The following LEMD3 variants were observed in gnomAD, a reference collection of about 807,000 sequenced individuals.
The protein encoded by LEMD3 is inner nuclear membrane protein Man1.
Under a neutral mutation model 95.2 loss-of-function variants are expected in LEMD3, and 33 were observed. That is an observed-to-expected ratio of 0.35 (90% CI 0.26 to 0.46). The LOEUF is 0.46. LEMD3 is among the 20% of genes least tolerant of loss of function. The probability of loss-of-function intolerance (pLI) is 1.00; values close to 1 mark genes in which losing one functional copy is unlikely to be tolerated. For synonymous variants in LEMD3, 525 were observed against 474.6 expected, an observed-to-expected ratio of 1.11 and a Z score of -1.38; for missense variants, 1,210 against 1,192.8, an observed-to-expected ratio of 1.01 and a Z score of -0.21.
chr12:65,217,475 TA>T (rs1870145305), intron 3 of LEMD3, among the ~76,000 whole-genome samples: 2 of 152,246 alleles, frequency 1.3e-5, no homozygotes, highest in African/African-American at 4.8e-5. Flanking sequence ...TTAAAATGAT[TA>T]CTTGAACAAA....
At chr12:65,236,518 TC>T (rs1319988232) in intron 4 of LEMD3, among the ~76,000 whole-genome samples, 1 of 151,292 alleles carries the variant, frequency 6.6e-6, no homozygotes, top group Non-Finnish European at 1.5e-5. Flanking sequence ...ACCACTGCAC[TC>T]CAGCCTGGGT....
Position 65,169,983 on chromosome 12 carries a change from C to T in LEMD3, c.387C>T (p.Pro129=), listed in dbSNP as rs1290434318. The T allele has an allele frequency of 6.8e-7, 1 of 1,469,670 alleles. No individual in the cohort carries two copies. The highest frequency in any genetic ancestry group is 8.9e-7 in the Non-Finnish European group (1 of 1,121,836). The allele number at this position is 1,469,670 out of a possible 1,614,324, so 91.0% of individuals were successfully genotyped here. ...LGGPGGASAA[P]AAGSKVLLGF... ...GGCCCGGGGGCGCCTCCGCCGCCCC[C>T]GCGGCTGGCAGCAAAGTGCTGCTGG... Residue 129 remains proline, a synonymous_variant, in exon 1 of 13, where the codon CCC becomes CCT. Coordinates refer to ENST00000308330, the MANE Select transcript of LEMD3 (RefSeq NM_014319.5).
chr12:65,170,373 GGACTCA>G lies in LEMD3; in HGVS notation c.780_785del (p.Asp260_Ser261del). On this transcript the variant is annotated inframe_deletion, in exon 1 of 13. Transcript: ENST00000308330. ...CCTACAGCTGCCGGGAAAACTATTC[GGACTCA>G]GAGGAAGAGGACGACGACGACGTGG... 1 of 1,613,596 alleles carries G rather than the reference GGACTCA, an allele frequency of 6.2e-7. No individual in the cohort carries two copies.
intron 1 of LEMD3, among the ~76,000 whole-genome samples, chr12:65,206,459 A>G (rs930168756): frequency 1.2e-4 from 19 of 152,174 alleles, no homozygotes; most frequent in Admixed American, 1.3e-4. Flanking sequence ...CTTGTAACTA[A>G]CATAACACCT....
Position 65,169,642 on chromosome 12 carries a change from G to A in LEMD3, c.46G>A (p.Glu16Lys), listed in dbSNP as rs746513740. ...GGCGCCTCAGCAGCTCTCGGATGAG[G>A]AGCTTTTCTCTCAGCTCCGCCGTTA... ...ASAPQQLSDE[E>K]LFSQLRRYGL... Residue 16 changes from glutamate to lysine, a missense_variant, in exon 1 of 13, where the codon GAG becomes AAG. This residue lies in a region of LEMD3 where 749 missense variants were observed against 622.9 expected (regional missense o/e 1.20). Coordinates refer to ENST00000308330, the MANE Select transcript of LEMD3 (RefSeq NM_014319.5). 6.3e-7 allele frequency: 1 copy of A among 1,588,888 alleles called. No individual in the cohort carries two copies. Among genetic ancestry groups the A allele is most frequent in the Non-Finnish European group, 8.6e-7 (1 of 1,169,352 alleles).
At chr12:65,176,123 G>A (rs1318346620) in intron 1 of LEMD3, among the ~76,000 whole-genome samples, 2 of 152,174 alleles carry the variant, frequency 1.3e-5, no homozygotes, top group African/African-American at 4.8e-5. Flanking sequence ...CTAGGCTGTA[G>A]CTCTTCCAGT....
chr12:65,246,015 A>G (rs1172146173), intron 12 of LEMD3, 76 bp downstream of exon 12: 2 of 1,346,150 alleles, frequency 1.5e-6, no homozygotes, highest in South Asian at 1.2e-5. Flanking sequence ...GATTTCAAAT[A>G]AAAGAATTTA....
intron 1 of LEMD3, among the ~76,000 whole-genome samples, chr12:65,209,971 T>C (rs113086667): frequency 6.6e-6 from 1 of 152,082 alleles, no homozygotes; most frequent in Non-Finnish European, 1.5e-5. Context: ...ATATAGTCTA[T>C]ATAAAATATA....
In LEMD3 at chr12:65,169,703, G is replaced by C; in HGVS notation, c.107G>C (p.Arg36Pro). 2 of 1,584,508 alleles carry C rather than the reference G, an allele frequency of 1.3e-6. No homozygotes were observed. Among genetic ancestry groups the C allele is most frequent in the Non-Finnish European group, 1.7e-6 (2 of 1,165,776 alleles). The change falls in exon 1 of 13, where the codon CGC (arginine) becomes CCC (proline). Residue 36 changes from arginine (R) to proline (P), a missense_variant. Arg to Pro is a moderately radical substitution (Grantham distance 103, BLOSUM62 -2). Coordinates refer to ENST00000308330, the MANE Select transcript of LEMD3 (RefSeq NM_014319.5). ...CCCGGACCAGTGACGGAGAGCACCC[G>C]CCCGGTCTACCTCAAGAAGCTGAAG... ...LSPGPVTEST[R>P]PVYLKKLKKL...
intron 1 of LEMD3, among the ~76,000 whole-genome samples, chr12:65,202,602 T>C (rs564089060): frequency 6.6e-6 from 1 of 152,314 alleles, no homozygotes; most frequent in African/African-American, 2.4e-5. Context: ...TGAACTCATA[T>C]CTACTTCTCT....
chr12:65,226,190 G>A (rs538231769), intron 4 of LEMD3, among the ~76,000 whole-genome samples: 83 of 152,134 alleles, frequency 5.5e-4, no homozygotes, highest in Non-Finnish European at 1.1e-3. Flanking sequence ...CAGTTGCCCC[G>A]AAAAGTCAGA....
rs1159356346 is a variant in LEMD3, at chr12:65,247,393, G to A, written c.*1068G>A. 1 of 152,506 alleles carries A rather than the reference G, an allele frequency of 6.6e-6. No individual in the cohort carries two copies. Among genetic ancestry groups the A allele is most frequent in the Non-Finnish European group, 1.5e-5 (1 of 67,998 alleles). The allele number at this position is 152,506 out of a possible 1,614,324, so 9.4% of individuals were successfully genotyped here. On this transcript the variant is annotated 3_prime_UTR_variant, in exon 13 of 13. Coordinates refer to ENST00000308330, the MANE Select transcript of LEMD3 (RefSeq NM_014319.5). ...GCCTCTGTTATATGTCAAGTTTAAA[G>A]CAGGGCACATTGTTGCAGCAAAATG...
At chr12:65,198,271 A>G (rs1188342721) in intron 1 of LEMD3, among the ~76,000 whole-genome samples, 1 of 152,150 alleles carries the variant, frequency 6.6e-6, no homozygotes, top group Non-Finnish European at 1.5e-5. Flanking sequence ...TATAGTATTC[A>G]TTAGCATAAA....
intron 1 of LEMD3, among the ~76,000 whole-genome samples, chr12:65,186,080 G>T (rs1275209310): frequency 6.6e-6 from 1 of 152,014 alleles, no homozygotes; most frequent in Admixed American, 6.6e-5. Context: ...GATATATTAG[G>T]TTATCTCTCT....
chr12:65,209,564 T>TC lies in LEMD3; in HGVS notation c.1523-1360dup, dbSNP rs1426712969. On this transcript the variant is annotated intron_variant, in intron 1 of 12. Coordinates refer to ENST00000308330, the MANE Select transcript of LEMD3 (RefSeq NM_014319.5). ...TATCTTTTTAGTCCATGTGTTCTGA[T>TC]CCTTAACATTTTATTTAATCTTGAA... Among the ~76,000 whole-genome samples the TC allele has an allele frequency of 3.3e-5, 5 of 152,230 alleles. No homozygotes were observed. The East Asian group carries it at 9.6e-4, about 29-fold the overall frequency.
rs1310850889 is a variant in LEMD3, at chr12:65,247,046, A to G, written c.*721A>G. 6.6e-6 allele frequency: 1 copy of G among 152,542 alleles called. No individual in the cohort carries two copies. The highest frequency in any genetic ancestry group is 1.5e-5 in the Non-Finnish European group (1 of 68,014). 9.4% of individuals were successfully genotyped at this position (152,542 alleles called of 1,614,324 possible). A position where few individuals can be genotyped will look rare whatever the true frequency, so the allele number is the denominator to read the frequency against. On this transcript the variant is annotated 3_prime_UTR_variant, in exon 13 of 13. Transcript: ENST00000308330. ...TGTATGTGTGTGTATATATAGATGTATATATATACACACACAGAGATATAT... is the reference window on the plus strand; with the variant it reads ...TGTATGTGTGTGTATATATAGATGTGTATATATACACACACAGAGATATAT...
At chr12:65,231,534 T>G (rs1209118914) in intron 4 of LEMD3, among the ~76,000 whole-genome samples, 1 of 151,946 alleles carries the variant, frequency 6.6e-6, no homozygotes, top group Non-Finnish European at 1.5e-5. Context: ...AAAAAAAATT[T>G]TAAATAGCTA....
chr12:65,185,137 C>T (rs1322255270), intron 1 of LEMD3, among the ~76,000 whole-genome samples: 2 of 152,032 alleles, frequency 1.3e-5, no homozygotes, highest in East Asian at 1.9e-4. Flanking sequence ...CTACTTTAAA[C>T]TAAATGTTAG....
intron 9 of LEMD3, among the ~76,000 whole-genome samples, chr12:65,242,270 C>T (rs1207988261): frequency 6.6e-6 from 1 of 151,960 alleles, no homozygotes; most frequent in African/African-American, 2.4e-5. Flanking sequence ...CTAGATTATC[C>T]TCTTTTTCTT....
Sources: gnomAD v4.1 joint callset for allele counts (sites outside exome capture counted in the v4.1 genomes callset) on GRCh38, gnomAD v4.1.1 for gene constraint, gnomAD v4.1.1 regional missense constraint, MANE v1.5 for transcripts, NCBI Gene and HGNC (gene_info 2026-07-23, HGNC 2026-07-21) for gene names.